XPO5: variants seen among roughly 807,000 people sequenced by gnomAD.
The protein encoded by XPO5 is exportin 5.
A neutral mutation model predicts 160.6 loss-of-function variants in XPO5; 46 were observed. The ratio of observed to expected loss-of-function variants is 0.29; its 90% CI spans 0.23 to 0.37. XPO5 has a LOEUF of 0.37. Ranked by LOEUF, XPO5 falls within the 10% of genes least tolerant of loss-of-function variation. The probability of loss-of-function intolerance (pLI) is 1.00; values close to 1 mark genes in which losing one functional copy is unlikely to be tolerated. For missense variants in XPO5, 1,090 were observed against 1,463.9 expected (o/e 0.74, Z 4.17); for synonymous variants, 537 against 519.3 (o/e 1.03, Z -0.46).
At position 43,523,742 on chromosome 6, in the gene XPO5, T is replaced by C; in HGVS notation, c.*126A>G. On this transcript the variant is annotated 3_prime_UTR_variant, in exon 32 of 32. Transcript: ENST00000265351. Reference sequence around the variant, plus strand: ...GGCCTGTTCTCTCCAGCTCCAGACCTGGATCTCTTTCCAGGCTGACAGTGG... The same window carrying C: ...GGCCTGTTCTCTCCAGCTCCAGACCCGGATCTCTTTCCAGGCTGACAGTGG... 6.7e-7 allele frequency: 1 copy of C among 1,492,954 alleles called. No individual in the cohort carries two copies. Among genetic ancestry groups the C allele is most frequent in the South Asian group, 1.1e-5 (1 of 87,966 alleles). The allele number at this position is 1,492,954 out of a possible 1,614,324, so 92.5% of individuals were successfully genotyped here.
intron 12 of XPO5, among the ~76,000 whole-genome samples, chr6:43,556,749 C>CA (rs1762111141): frequency 6.6e-6 from 1 of 151,664 alleles, no homozygotes; most frequent in Non-Finnish European, 1.5e-5. Flanking sequence ...TTGTAATAGC[C>CA]AAAAAATGGA....
chr6:43,539,477 T>C (rs555595656), intron 20 of XPO5: 3 of 1,573,434 alleles, frequency 1.9e-6, no homozygotes, highest in South Asian at 1.1e-5. Context: ...CTCCAGGGAC[T>C]TGATCTTCAT....
chr6:43,549,366 GGATGCTTATAT>G, intron 17 of XPO5, 112 bp downstream of exon 17: 1 of 958,706 alleles, frequency 1.0e-6, no homozygotes, highest in Non-Finnish European at 1.5e-6. Flanking sequence ...GCCCGGCCAA[GGATGCTTATAT>G]GATGCAAAGC....
chr6:43,524,137 AG>A, intron 31 of XPO5, 132 bp from the exon 32 acceptor site: 1 of 1,329,450 alleles, frequency 7.5e-7, no homozygotes, highest in Non-Finnish European at 1.0e-6. Flanking sequence ...GGATCACCTG[AG>A]GTCAGGAGTT....
chr6:43,552,491 T>G, intron 14 of XPO5, among the ~76,000 whole-genome samples: 1 of 152,150 alleles, frequency 6.6e-6, no homozygotes, highest in South Asian at 2.1e-4. Flanking sequence ...TAGCTGGGAT[T>G]ACAGACATGC....
intron 11 of XPO5, 39 bp from the exon 12 acceptor site, chr6:43,558,630 G>C (rs570649033): frequency 1.4e-6 from 2 of 1,477,424 alleles, no homozygotes; most frequent in Middle Eastern, 1.7e-4. Flanking sequence ...GGATGAAAGT[G>C]GACCCACTGA....
rs755264600 is a variant in XPO5 at position 43,568,701 on chromosome 6, GA to G, written c.648+9del. On this transcript the variant is annotated intron_variant, in intron 6 of 31. Coordinates refer to ENST00000265351, the MANE Select transcript of XPO5 (RefSeq NM_020750.3). ...AAAGGTCTCCTTCAAACTTTATAAA[GA>G]GCTCTTACCTTTGACTCCTGAGAAG... 6.4e-7 allele frequency: 1 copy of G among 1,574,598 alleles called. No homozygotes were observed. The highest frequency in any genetic ancestry group is 8.6e-7 in the Non-Finnish European group (1 of 1,159,170).
chr6:43,529,757 A>AAAT (rs1385699099), intron 23 of XPO5, among the ~76,000 whole-genome samples: 1 of 151,264 alleles, frequency 6.6e-6, no homozygotes, highest in Non-Finnish European at 1.5e-5. Flanking sequence ...CCATCTCTAC[A>AAAT]AATAATAATA....
rs754531009 is a variant in XPO5, at chr6:43,558,528, C to T, written c.1285G>A (p.Asp429Asn). Residue 429 changes from aspartate (D) to asparagine (N), a missense_variant, in exon 12 of 32, where the codon GAT (aspartate) becomes AAT (asparagine). Physicochemically the swap from Asp to Asn is conservative, Grantham distance 23 (BLOSUM62 1). This residue lies in a region of XPO5 where 810 missense variants were observed against 1,139.0 expected (regional missense o/e 0.71). Transcript: ENST00000265351. ...TTGAAGAAAGCATTGAAGTCCTCAT[C>T]GCTATCAAAATCAAACCGAGAATAT... ...CEYSRFDFDS[D>N]EDFNAFFNSS... 14 of 1,603,840 alleles carry T rather than the reference C, an allele frequency of 8.7e-6. No homozygotes were observed. The highest frequency in any genetic ancestry group is 1.1e-5 in the South Asian group (1 of 88,498).
Position 43,558,609 on chromosome 6 carries a change from A to AT in XPO5, c.1222-19dup, listed in dbSNP as rs772690147. The AT allele has an allele frequency of 2.6e-6, 4 of 1,559,940 alleles. No individual in the cohort carries two copies. ...AAGCCCATCTGGAAAAAGAAAGGTAATTGGGGTAGGGGATGAAAGTGGACC... is the reference window on the plus strand; with the variant it reads ...AAGCCCATCTGGAAAAAGAAAGGTAATTTGGGGTAGGGGATGAAAGTGGACC... On this transcript the variant is annotated intron_variant, in intron 11 of 31. Coordinates refer to ENST00000265351, the MANE Select transcript of XPO5 (RefSeq NM_020750.3).
intron 20 of XPO5, among the ~76,000 whole-genome samples, chr6:43,536,877 G>A (rs974263073): frequency 2.7e-5 from 4 of 150,394 alleles, no homozygotes; most frequent in Non-Finnish European, 4.4e-5. Context: ...TTTCTAACAC[G>A]GTGAAACAGA....
Position 43,549,965 on chromosome 6 carries a change from T to A in XPO5, c.1729-31A>T, listed in dbSNP as rs777129282. ...GGAGAGGAGGAAAAAAGGTCACTCA[T>A]GTTTATTTGTTTTAGAGATGAGATC... On this transcript the variant is annotated intron_variant, in intron 15 of 31. Transcript: ENST00000265351. The A allele has an allele frequency of 1.6e-5, 25 of 1,605,536 alleles. No homozygotes were observed. In the Admixed American group the frequency reaches 3.7e-4, roughly 24 times the overall value.
chr6:43,532,258 A>C (rs529263562), intron 21 of XPO5, among the ~76,000 whole-genome samples: 35 of 152,332 alleles, frequency 2.3e-4, no homozygotes, highest in African/African-American at 8.2e-4. Context: ...TCAAAGGAAA[A>C]GATTCAGGAC....
chr6:43,552,762 T>G (rs1484572014), intron 14 of XPO5, among the ~76,000 whole-genome samples: 4 of 152,242 alleles, frequency 2.6e-5, no homozygotes, highest in African/African-American at 9.6e-5. Context: ...ATGATTTTAC[T>G]GATACAGTTG....
chr6:43,527,588 C>G, intron 26 of XPO5, 46 bp downstream of exon 26: 1 of 1,601,072 alleles, frequency 6.2e-7, no homozygotes, highest in South Asian at 1.1e-5. Context: ...ACCAGCTCTT[C>G]TTCCAGGAAA....
In XPO5 at chr6:43,567,195, A is replaced by G; in HGVS notation, c.808T>C (p.Cys270Arg). 6.2e-7 allele frequency: 1 copy of G among 1,613,470 alleles called. No homozygotes were observed. The highest frequency in any genetic ancestry group is 8.5e-7 in the Non-Finnish European group (1 of 1,179,670). ...TTTCTGCTGACTGCAATGAGAAGAC[A>G]CTCAGCGGCTCCCAACTGAAGTTCC... is the stretch of plus-strand genomic sequence containing the variant. ...EQELQLGAAE[C>R]LLIAVSRKGK... The change falls in exon 7 of 32, where the codon TGT becomes CGT. Residue 270 changes from cysteine (C) to arginine (R), a missense_variant. Coordinates refer to ENST00000265351, the MANE Select transcript of XPO5 (RefSeq NM_020750.3).
intron 22 of XPO5, 48 bp downstream of exon 22, chr6:43,531,431 A>G (rs778128239): frequency 7.1e-6 from 11 of 1,548,188 alleles, no homozygotes; most frequent in Non-Finnish European, 9.8e-6. Context: ...ATTCCTATAC[A>G]ATACATATCG....
chr6:43,536,537 T>C (rs1794334963), intron 20 of XPO5, among the ~76,000 whole-genome samples: 1 of 151,408 alleles, frequency 6.6e-6, no homozygotes, highest in African/African-American at 2.4e-5. Context: ...GGTGGGTGGA[T>C]CACGAGGTCA....
intron 2 of XPO5, 157 bp downstream of exon 2, chr6:43,573,323 G>A: frequency 1.0e-6 from 1 of 953,076 alleles, no homozygotes; most frequent in Non-Finnish European, 1.5e-6. Context: ...AATCTTGAAT[G>A]AGAGCTCCTG....
Sources: gnomAD v4.1 joint callset for allele counts (sites outside exome capture counted in the v4.1 genomes callset) on GRCh38, gnomAD v4.1.1 for gene constraint, gnomAD v4.1.1 regional missense constraint, MANE v1.5 for transcripts, NCBI Gene and HGNC (gene_info 2026-07-23, HGNC 2026-07-21) for gene names.